Variants in GIPC2 observed in about 807,000 individuals in gnomAD.
GIPC2 encodes PDZ domain-containing protein GIPC2.
A neutral mutation model predicts 30.6 loss-of-function variants in GIPC2; 30 were observed. That is an observed-to-expected ratio of 0.98 (90% CI 0.73 to 1.33). The LOEUF (loss-of-function observed/expected upper bound fraction) is 1.33. GIPC2 is among the 40% of genes most tolerant of loss of function. GIPC2 has a pLI of 0.00. For missense variants in GIPC2, 414 were observed against 390.3 expected (o/e 1.06, Z -0.51); for synonymous variants, 167 against 150.0 (o/e 1.11, Z -0.83).
chr1:78,045,630 A>T, upstream of GIPC2: 1 of 985,464 alleles, frequency 1.0e-6, no homozygotes, highest in African/African-American at 1.7e-5. Flanking sequence ...AATGCAGACG[A>T]AGGTTGACTT....
At chr1:78,061,101 A>T (rs931428334) in intron 1 of GIPC2, among the ~76,000 whole-genome samples, 4 of 152,144 alleles carry the variant, frequency 2.6e-5, no homozygotes, top group African/African-American at 9.7e-5. Context: ...GTGATTAGAC[A>T]AATTTTAATA....
At chr1:78,082,747 A>G (rs1469561623) in intron 2 of GIPC2, among the ~76,000 whole-genome samples, 1 of 152,232 alleles carries the variant, frequency 6.6e-6, no homozygotes, top group African/African-American at 2.4e-5. Flanking sequence ...CTGCCAACAT[A>G]TAGTTCAACT....
chr1:78,101,709 C>T (rs1662253057), intron 3 of GIPC2, among the ~76,000 whole-genome samples: 1 of 152,162 alleles, frequency 6.6e-6, no homozygotes, highest in African/African-American at 2.4e-5. Flanking sequence ...GGCAGCATTC[C>T]CAGTCCTTAT....
At chr1:78,131,084 A>G (rs921870160) in intron 5 of GIPC2, among the ~76,000 whole-genome samples, 8 of 152,140 alleles carry the variant, frequency 5.3e-5, no homozygotes, top group African/African-American at 1.9e-4. Context: ...CAGTCTCCCT[A>G]CATCACCCTC....
intron 1 of GIPC2, among the ~76,000 whole-genome samples, chr1:78,078,855 A>C (rs1661770943): frequency 6.6e-6 from 1 of 151,198 alleles, no homozygotes; most frequent in Non-Finnish European, 1.5e-5. Context: ...AAAAAAAAAA[A>C]ACAACAAACC....
chr1:78,057,465 G>T (rs927058902), intron 1 of GIPC2, among the ~76,000 whole-genome samples: 1 of 152,182 alleles, frequency 6.6e-6, no homozygotes, highest in Non-Finnish European at 1.5e-5. Context: ...AATATGTAAT[G>T]ATCAAGTCAG....
chr1:78,113,065 A>T (rs1662501410), intron 3 of GIPC2, among the ~76,000 whole-genome samples: 1 of 152,212 alleles, frequency 6.6e-6, no homozygotes, highest in Non-Finnish European at 1.5e-5. Context: ...AAGTACAGAA[A>T]GTTCCCATTT....
intron 3 of GIPC2, among the ~76,000 whole-genome samples, chr1:78,095,709 A>G (rs1662124931): frequency 6.6e-6 from 1 of 152,140 alleles, no homozygotes; most frequent in South Asian, 2.1e-4. Flanking sequence ...ACTGTTGTTC[A>G]ATCACCCAGG....
chr1:78,124,398 A>G lies in GIPC2; in HGVS notation c.715-1483A>G, dbSNP rs552366131. Among the ~76,000 whole-genome samples the G allele has an allele frequency of 2.6e-5, 4 of 152,320 alleles. No homozygotes were observed. In the South Asian group the frequency reaches 8.3e-4, roughly 32 times the overall value. On this transcript the variant is annotated intron_variant, in intron 4 of 5. Transcript: ENST00000370759. ...ATCTATACAATATATTAATATGGTAATACATGTGTAATTGATAAGCAATAC... is the reference window on the plus strand; with the variant it reads ...ATCTATACAATATATTAATATGGTAGTACATGTGTAATTGATAAGCAATAC...
intron 3 of GIPC2, among the ~76,000 whole-genome samples, chr1:78,114,879 G>A (rs1182329196): frequency 6.6e-6 from 1 of 152,178 alleles, no homozygotes; most frequent in Non-Finnish European, 1.5e-5. Context: ...TAATGGGAGA[G>A]GCTGTGCCTG....
rs1468494668 is a variant in GIPC2, at chr1:78,136,880, A to G, written c.*1137A>G. ...GGTTTCAACAAAGATCATTTAATAC[A>G]GCAGAGCATGGCATGACCAAGCATC... On this transcript the variant is annotated 3_prime_UTR_variant, in exon 6 of 6. Coordinates refer to ENST00000370759, the MANE Select transcript of GIPC2 (RefSeq NM_017655.6). The G allele has an allele frequency of 2.0e-5, 3 of 152,184 alleles. No homozygotes were observed. Among genetic ancestry groups the G allele is most frequent in the Non-Finnish European group, 2.9e-5 (2 of 68,006 alleles). The allele number at this position is 152,184 out of a possible 1,614,324, so 9.4% of individuals were successfully genotyped here. A position where few individuals can be genotyped will look rare whatever the true frequency, so the allele number is the denominator to read the frequency against.
chr1:78,129,125 T>C (rs1420164891), intron 5 of GIPC2, among the ~76,000 whole-genome samples: 1 of 152,168 alleles, frequency 6.6e-6, no homozygotes, highest in East Asian at 1.9e-4. Context: ...AGAAATTTAT[T>C]TGTAAGGTGA....
intron 4 of GIPC2, 71 bp downstream of exon 4, chr1:78,119,570 C>G: frequency 1.1e-6 from 1 of 922,002 alleles, no homozygotes; most frequent in Non-Finnish European, 1.7e-6. Context: ...TTCATTCTAA[C>G]CAAAACTTGG....
At chr1:78,093,945 G>C (rs1345549203) in intron 2 of GIPC2, among the ~76,000 whole-genome samples, 2 of 151,886 alleles carry the variant, frequency 1.3e-5, no homozygotes, top group African/African-American at 2.4e-5. Flanking sequence ...GTGCCATCTT[G>C]GGAATACTAG....
At chr1:78,106,234 C>CAA (rs768556241) in intron 3 of GIPC2, among the ~76,000 whole-genome samples, 11 of 52,810 alleles carry the variant, frequency 2.1e-4, no homozygotes, top group African/African-American at 6.0e-4. Flanking sequence ...GACTCTGTCT[C>CAA]AAAAAAAAAA....
intron 3 of GIPC2, among the ~76,000 whole-genome samples, chr1:78,107,677 T>C (rs1662379552): frequency 1.3e-5 from 2 of 151,596 alleles, no homozygotes; most frequent in South Asian, 2.1e-4. Context: ...ATATAAAAAT[T>C]AGCCGAACAT....
intron 1 of GIPC2, among the ~76,000 whole-genome samples, chr1:78,072,921 C>T (rs890490798): frequency 2.0e-5 from 3 of 152,030 alleles, no homozygotes; most frequent in Non-Finnish European, 4.4e-5. Context: ...TCTCCTGTCT[C>T]AGCCTCCCGA....
At chr1:78,052,540 T>A (rs1485503268) in intron 1 of GIPC2, among the ~76,000 whole-genome samples, 1 of 152,222 alleles carries the variant, frequency 6.6e-6, no homozygotes, top group Non-Finnish European at 1.5e-5. Context: ...TAATTTTTTT[T>A]ATGTTCTGCT....
At chr1:78,107,234 C>T (rs1046231538) in intron 3 of GIPC2, among the ~76,000 whole-genome samples, 4 of 151,660 alleles carry the variant, frequency 2.6e-5, no homozygotes, top group African/African-American at 9.7e-5. Context: ...TCACAGTTCA[C>T]TGCAGGGCTC....
Sources: gnomAD v4.1 joint callset for allele counts (sites outside exome capture counted in the v4.1 genomes callset) on GRCh38, gnomAD v4.1.1 for gene constraint, MANE v1.5 for transcripts, NCBI Gene and HGNC (gene_info 2026-07-23, HGNC 2026-07-21) for gene names.